PDAP1: variants seen among roughly 807,000 people sequenced by gnomAD.
The protein encoded by PDAP1 is PDGFA associated protein 1, also known as 28 kDa heat- and acid-stable phosphoprotein.
A neutral mutation model predicts 28.0 loss-of-function variants in PDAP1; 13 were observed. That is an observed-to-expected ratio of 0.46 (90% confidence interval 0.30 to 0.74). PDAP1 has a LOEUF of 0.74. PDAP1 is among the 30% of genes least tolerant of loss of function. The pLI, the probability that PDAP1 is intolerant of heterozygous loss-of-function variation, is 0.07. For synonymous variants in PDAP1, 77 were observed against 85.1 expected (o/e 0.91, Z 0.52); for missense variants, 150 against 230.0 (o/e 0.65, Z 2.25).
At position 99,400,687 on chromosome 7, in the gene PDAP1, G is replaced by A. The variant is rs535593650; in HGVS notation, c.214-263C>T. Among the ~76,000 whole-genome samples the A allele has an allele frequency of 3.9e-5, 6 of 152,282 alleles. 1 individual carries two copies. Among genetic ancestry groups the A allele is most frequent in the Admixed American group, 1.3e-4 (2 of 15,300 alleles). On this transcript the variant is annotated intron_variant, in intron 3 of 5. Transcript: ENST00000350498. ...GAAGTAGGTGGTAGATGAGAGGTGCGCCCTACCCCGACTTGCAAGCACTCA... is the reference window on the plus strand; with the variant it reads ...GAAGTAGGTGGTAGATGAGAGGTGCACCCTACCCCGACTTGCAAGCACTCA...
intron 5 of PDAP1, among the ~76,000 whole-genome samples, chr7:99,397,481 C>T (rs566560657): frequency 2.8e-4 from 43 of 152,288 alleles, no homozygotes; most frequent in African/African-American, 1.0e-3. Flanking sequence ...AGATGGACAG[C>T]GGTGACCTCA....
intron 3 of PDAP1, among the ~76,000 whole-genome samples, chr7:99,402,893 A>G (rs1388362418): frequency 8.6e-5 from 11 of 127,484 alleles, no homozygotes; most frequent in South Asian, 2.2e-4. Flanking sequence ...AAAAAAAAAA[A>G]AAAGAAAAGA....
chr7:99,402,289 C>T (rs1043854528), intron 3 of PDAP1, among the ~76,000 whole-genome samples: 16 of 151,194 alleles, frequency 1.1e-4, no homozygotes, highest in African/African-American at 3.6e-4. Flanking sequence ...AAGGCCTCCC[C>T]CAGCTGCCAC....
intron 3 of PDAP1, among the ~76,000 whole-genome samples, chr7:99,402,228 CA>C (rs765074891): frequency 0.01 from 472 of 47,170 alleles, no homozygotes; most frequent in Non-Finnish European, 0.016. Flanking sequence ...CTCCATCTCC[CA>C]AAAAAAAAAA....
rs1318644793 is a variant in PDAP1 at position 99,400,327 on chromosome 7, G to A, written c.311C>T (p.Pro104Leu). Residue 104 changes from proline (P) to leucine (L), a missense_variant, in exon 4 of 6, where the codon CCA (proline) becomes CTA (leucine). Coordinates refer to ENST00000350498, the MANE Select transcript of PDAP1 (RefSeq NM_014891.7). ...KKVTQLDLDG[P>L]KELSRREREE... Reference sequence around the variant, plus strand: ...CCGTTCTCTCCTCGAAAGCTCCTTTGGCCCGTCCAGATCCAGTTGTGTGAC... The same window carrying A: ...CCGTTCTCTCCTCGAAAGCTCCTTTAGCCCGTCCAGATCCAGTTGTGTGAC... 2 of 1,613,754 alleles carry A rather than the reference G, an allele frequency of 1.2e-6. No individual in the cohort carries two copies. The highest frequency in any genetic ancestry group is 2.7e-5 in the African/African-American group (2 of 74,906).
chr7:99,401,345 T>G (rs1794862400), intron 3 of PDAP1, among the ~76,000 whole-genome samples: 1 of 150,356 alleles, frequency 6.7e-6, no homozygotes, highest in Non-Finnish European at 1.5e-5. Context: ...TTTTTTCTTT[T>G]GAGACAGAGT....
intron 5 of PDAP1, among the ~76,000 whole-genome samples, chr7:99,397,160 C>A (rs181610656): frequency 2.0e-4 from 30 of 152,244 alleles, no homozygotes; most frequent in Admixed American, 2.0e-3. Flanking sequence ...AAGTTGGGAT[C>A]ACTGGATTTC....
intron 3 of PDAP1, among the ~76,000 whole-genome samples, chr7:99,402,440 T>C (rs1182374440): frequency 6.6e-6 from 1 of 151,296 alleles, no homozygotes; most frequent in East Asian, 2.0e-4. Flanking sequence ...TCCCTATCTC[T>C]ACAAAAAATT....
Position 99,396,536 on chromosome 7 carries a change from C to T in PDAP1, c.*146G>A. 1 of 517,512 alleles carries T rather than the reference C, an allele frequency of 1.9e-6. No homozygotes were observed. Among genetic ancestry groups the T allele is most frequent in the Non-Finnish European group, 3.7e-6 (1 of 266,998 alleles). The allele number at this position is 517,512 out of a possible 1,614,324, so 32.1% of individuals were successfully genotyped here. On this transcript the variant is annotated 3_prime_UTR_variant, in exon 6 of 6. Transcript: ENST00000350498. ...CCCATCCCCCAAACAATTTCTGTGC[C>T]AAGATGAAGAGGAGGCCCCAGGCCA...
intron 1 of PDAP1, among the ~76,000 whole-genome samples, chr7:99,405,776 T>C (rs550093018): frequency 1.3e-5 from 2 of 152,200 alleles, no homozygotes; most frequent in African/African-American, 2.4e-5. Flanking sequence ...CCACGAAGTT[T>C]AGAGTCCAAC....
intron 5 of PDAP1, among the ~76,000 whole-genome samples, 191 bp from the exon 6 acceptor site, chr7:99,396,931 G>C (rs1169383624): frequency 6.6e-6 from 1 of 152,070 alleles, no homozygotes; most frequent in Admixed American, 6.5e-5. Flanking sequence ...TTCCCGACAC[G>C]CTTCAGTGGC....
In PDAP1 at chr7:99,403,526, C is replaced by G. The variant is rs1000515755; in HGVS notation, c.106-21G>C. 4.7e-6 allele frequency: 7 copies of G among 1,476,344 alleles called. No individual in the cohort carries two copies. In the African/African-American group the frequency reaches 9.7e-5, roughly 20 times the overall value. The allele number at this position is 1,476,344 out of a possible 1,614,324, so 91.5% of individuals were successfully genotyped here. ...TCTTCCTGTTTCAGAAATGGACAAC[C>G]TGCAGAATCAAAAATGCAAAACAAA... On this transcript the variant is annotated intron_variant, in intron 2 of 5. Coordinates refer to ENST00000350498, the MANE Select transcript of PDAP1 (RefSeq NM_014891.7).
rs867826051 is a variant in PDAP1, at chr7:99,394,733, G to C, written c.*1949C>G. 1.4e-5 allele frequency: 17 copies of C among 1,234,128 alleles called. No homozygotes were observed. The highest frequency in any genetic ancestry group is 1.7e-5 in the Non-Finnish European group (17 of 993,260). The allele number at this position is 1,234,128 out of a possible 1,614,324, so 76.4% of individuals were successfully genotyped here. A position where few individuals can be genotyped will look rare whatever the true frequency, so the allele number is the denominator to read the frequency against. ...AAAAATGCCCCCAAAGCACTATGCT[G>C]GTCATGAACTGCTTCAAAATGTGGA... On this transcript the variant is annotated 3_prime_UTR_variant, in exon 6 of 6. Coordinates refer to ENST00000350498, the MANE Select transcript of PDAP1 (RefSeq NM_014891.7).
intron 5 of PDAP1, 39 bp from the exon 6 acceptor site, chr7:99,396,779 AC>A (rs1185218125): frequency 3.3e-6 from 5 of 1,496,780 alleles, no homozygotes; most frequent in Admixed American, 1.7e-5. Context: ...AAACAAAGCA[AC>A]CCCCCACCCC....
intron 5 of PDAP1, among the ~76,000 whole-genome samples, chr7:99,397,500 T>C (rs1316825844): frequency 6.6e-6 from 1 of 152,160 alleles, no homozygotes; most frequent in Non-Finnish European, 1.5e-5. Flanking sequence ...CAGGCATCTC[T>C]CCTGGGTTCC....
At chr7:99,396,977 G>A (rs1178814784) in intron 5 of PDAP1, among the ~76,000 whole-genome samples, 1 of 152,006 alleles carries the variant, frequency 6.6e-6, no homozygotes, top group Non-Finnish European at 1.5e-5. Context: ...CTTCCACAAA[G>A]CCCCACCAAC....
chr7:99,400,349 T>C lies in PDAP1; in HGVS notation c.289A>G (p.Thr97Ala). ...TTTGGCCCGTCCAGATCCAGTTGTG[T>C]GACCTTTTTGGTTGTCTGTGCCACC... ...NRVAQTTKKV[T>A]QLDLDGPKEL... Residue 97 changes from threonine (T) to alanine (A), a missense_variant, in exon 4 of 6, where the codon ACA becomes GCA. Transcript: ENST00000350498. 1 of 1,614,020 alleles carries C rather than the reference T, an allele frequency of 6.2e-7. No homozygotes were observed.
Position 99,394,777 on chromosome 7 carries a change from T to G in PDAP1, c.*1905A>C, listed in dbSNP as rs1212198833. Reference sequence around the variant, plus strand: ...ATGTGGAGGTAATAAAATGCAACTGTGTAAAAAAAAAAAAAAAAAAAAAAG... The same window carrying G: ...ATGTGGAGGTAATAAAATGCAACTGGGTAAAAAAAAAAAAAAAAAAAAAAG... On this transcript the variant is annotated 3_prime_UTR_variant, in exon 6 of 6. Coordinates refer to ENST00000350498, the MANE Select transcript of PDAP1 (RefSeq NM_014891.7). 108 of 1,131,882 alleles carry G rather than the reference T, an allele frequency of 9.5e-5. No homozygotes were observed. The highest frequency in any genetic ancestry group is 1.1e-4 in the Non-Finnish European group (106 of 940,090). The allele number at this position is 1,131,882 out of a possible 1,614,324, so 70.1% of individuals were successfully genotyped here.
Position 99,394,749 on chromosome 7 carries a change from A to C in PDAP1, c.*1933T>G. The stretch of plus-strand genomic sequence containing the variant: ...CACTATGCTGGTCATGAACTGCTTC[A>C]AAATGTGGAGGTAATAAAATGCAAC... On this transcript the variant is annotated 3_prime_UTR_variant, in exon 6 of 6. Coordinates refer to ENST00000350498, the MANE Select transcript of PDAP1 (RefSeq NM_014891.7). 1 of 1,226,242 alleles carries C rather than the reference A, an allele frequency of 8.2e-7. No individual in the cohort carries two copies. The highest frequency in any genetic ancestry group is 1.0e-6 in the Non-Finnish European group (1 of 986,340). The allele number at this position is 1,226,242 out of a possible 1,614,324, so 76.0% of individuals were successfully genotyped here. A position where few individuals can be genotyped will look rare whatever the true frequency, so the allele number is the denominator to read the frequency against.
Sources: allele counts gnomAD v4.1 joint callset (sites outside exome capture counted in the v4.1 genomes callset), GRCh38; gene constraint gnomAD v4.1.1; transcripts MANE v1.5; gene names NCBI Gene and HGNC (gene_info 2026-07-23, HGNC 2026-07-21).